The following AGBL4 variants were observed in gnomAD, a reference collection of about 807,000 sequenced individuals.
The protein encoded by AGBL4 is AGBL carboxypeptidase 4, also known as cytosolic carboxypeptidase 6.
AGBL4 carries 58 observed loss-of-function variants against 66.4 expected under a neutral mutation model. The ratio of observed to expected loss-of-function variants is 0.87; its 90% confidence interval spans 0.71 to 1.09. AGBL4 has a LOEUF of 1.09. Among genes scored for constraint, AGBL4 ranks in the 50% least tolerant of loss-of-function variants. AGBL4 has a pLI of 0.00. For synonymous variants in AGBL4, 234 were observed against 222.9 expected, an observed-to-expected ratio of 1.05 and a Z score of -0.44; for missense variants, 579 against 631.0, an observed-to-expected ratio of 0.92 and a Z score of 0.88.
intron 1 of AGBL4, among the ~76,000 whole-genome samples, chr1:49,933,035 C>T (rs1370498927): frequency 6.6e-6 from 1 of 152,088 alleles, no homozygotes. Context: ...CTTCACAAAT[C>T]TTCTGAGGGA....
intron 3 of AGBL4, among the ~76,000 whole-genome samples, chr1:49,560,830 A>C (rs1644020183): frequency 6.6e-6 from 1 of 152,124 alleles, no homozygotes; most frequent in Admixed American, 6.6e-5. Flanking sequence ...AAAGGAAAAA[A>C]TCTTTTACCC....
At chr1:49,935,021 A>G (rs907377085) in intron 1 of AGBL4, among the ~76,000 whole-genome samples, 2 of 152,258 alleles carry the variant, frequency 1.3e-5, no homozygotes, top group African/African-American at 2.4e-5. Context: ...GAGTCAAAGC[A>G]GGGCAAGGCA....
At chr1:49,127,426 A>T (rs1645788471) in intron 4 of AGBL4, among the ~76,000 whole-genome samples, 1 of 152,068 alleles carries the variant, frequency 6.6e-6, no homozygotes, top group South Asian at 2.1e-4. Flanking sequence ...TTCCTCAAAA[A>T]CGTATGAAAA....
At chr1:49,328,123 C>T (rs1453307408) in intron 3 of AGBL4, among the ~76,000 whole-genome samples, 1 of 152,152 alleles carries the variant, frequency 6.6e-6, no homozygotes, top group Non-Finnish European at 1.5e-5. Context: ...CGTGTAATCA[C>T]CTGGGAATCT....
At chr1:48,872,554 C>A (rs1648782143) in intron 5 of AGBL4, among the ~76,000 whole-genome samples, 1 of 152,152 alleles carries the variant, frequency 6.6e-6, no homozygotes, top group South Asian at 2.1e-4. Flanking sequence ...ATAAAGCCTT[C>A]TGAATCTGGG....
intron 1 of AGBL4, among the ~76,000 whole-genome samples, chr1:49,921,027 G>A (rs577006674): frequency 5.9e-5 from 9 of 152,196 alleles, no homozygotes; most frequent in East Asian, 3.9e-4. Context: ...ACTCATAGTC[G>A]GGAACTGAAC....
At chr1:48,982,232 C>T (rs1029182467) in intron 5 of AGBL4, among the ~76,000 whole-genome samples, 11 of 152,122 alleles carry the variant, frequency 7.2e-5, no homozygotes, top group Admixed American at 3.9e-4. Context: ...TTTTAGGGTA[C>T]GTGTGCACAA....
chr1:49,029,467 A>G (rs1009045679), intron 5 of AGBL4, among the ~76,000 whole-genome samples: 1 of 152,180 alleles, frequency 6.6e-6, no homozygotes, highest in African/African-American at 2.4e-5. Context: ...TGTAGAAATG[A>G]ATTTAACAAA....
intron 4 of AGBL4, among the ~76,000 whole-genome samples, chr1:49,082,650 G>T (rs1005058092): frequency 7.9e-5 from 12 of 152,296 alleles, no homozygotes; most frequent in African/African-American, 2.9e-4. Context: ...GGTGAGATTT[G>T]GGTGGGGACA....
At chr1:48,899,122 C>A (rs1446744394) in intron 5 of AGBL4, among the ~76,000 whole-genome samples, 2 of 152,226 alleles carry the variant, frequency 1.3e-5, no homozygotes, top group Non-Finnish European at 2.9e-5. Context: ...GTCGTGAAGC[C>A]CCCGACAGGC....
At chr1:48,603,232 G>A (rs1001497064) in intron 9 of AGBL4, among the ~76,000 whole-genome samples, 1 of 152,162 alleles carries the variant, frequency 6.6e-6, no homozygotes, top group African/African-American at 2.4e-5. Flanking sequence ...AGCTCTTTGG[G>A]AAGCTGAGGC....
At chr1:49,797,011 C>T (rs1277246361) in intron 2 of AGBL4, among the ~76,000 whole-genome samples, 1 of 151,992 alleles carries the variant, frequency 6.6e-6, no homozygotes, top group Non-Finnish European at 1.5e-5. Flanking sequence ...TAAATATTTA[C>T]CTTAGCATTG....
intron 6 of AGBL4, among the ~76,000 whole-genome samples, chr1:48,694,461 A>G (rs1475428303): frequency 6.6e-6 from 1 of 152,190 alleles, no homozygotes; most frequent in Non-Finnish European, 1.5e-5. Context: ...TAATCATCCT[A>G]TCTTCCTCAT....
At chr1:49,713,878 C>A (rs1279356720) in intron 2 of AGBL4, among the ~76,000 whole-genome samples, 1 of 151,946 alleles carries the variant, frequency 6.6e-6, no homozygotes, top group Non-Finnish European at 1.5e-5. Flanking sequence ...GATCTCCTAC[C>A]TCAGCCTACA....
chr1:49,961,246 T>C (rs1340625922), intron 1 of AGBL4, among the ~76,000 whole-genome samples: 2 of 152,126 alleles, frequency 1.3e-5, no homozygotes, highest in African/African-American at 2.4e-5. Context: ...TGGTGGCTCA[T>C]GCTTGTATTC....
At chr1:49,480,577 A>C (rs1187607583) in intron 3 of AGBL4, among the ~76,000 whole-genome samples, 1 of 151,120 alleles carries the variant, frequency 6.6e-6, no homozygotes, top group Non-Finnish European at 1.5e-5. Context: ...ATTTTCTTTC[A>C]TTTTGTAGAT....
chr1:49,101,524 A>G (rs1180516319), intron 4 of AGBL4, among the ~76,000 whole-genome samples: 8 of 152,114 alleles, frequency 5.3e-5, no homozygotes, highest in Admixed American at 5.2e-4. Context: ...ATATATGTGA[A>G]CCTAATACAT....
intron 7 of AGBL4, among the ~76,000 whole-genome samples, chr1:48,662,574 T>C (rs1232438613): frequency 6.6e-6 from 1 of 152,238 alleles, no homozygotes; most frequent in Non-Finnish European, 1.5e-5. Flanking sequence ...AAATGTAGTA[T>C]GGGTGAAATA....
At chr1:49,537,733 G>A (rs971175783) in intron 3 of AGBL4, among the ~76,000 whole-genome samples, 1 of 152,150 alleles carries the variant, frequency 6.6e-6, no homozygotes, top group African/African-American at 2.4e-5. Flanking sequence ...GACCATCCTG[G>A]CTAAAAGGGT....
Sources: gnomAD v4.1 joint callset for allele counts (sites outside exome capture counted in the v4.1 genomes callset) on GRCh38, gnomAD v4.1.1 for gene constraint, MANE v1.5 for transcripts, NCBI Gene and HGNC (gene_info 2026-07-23, HGNC 2026-07-21) for gene names.